The following VIT variants were observed in gnomAD, a reference collection of about 807,000 sequenced individuals.
The protein encoded by VIT is vitrin.
A neutral mutation model predicts 78.0 loss-of-function variants in VIT; 99 were observed. That is an observed-to-expected ratio of 1.27 (90% CI 1.08 to 1.50). The LOEUF (loss-of-function observed/expected upper bound fraction) is 1.50, where lower values mean the gene tolerates loss of function less well. VIT is among the 40% of genes most tolerant of loss of function. VIT has a pLI of 0.00. For missense variants in VIT, 1,126 were observed against 875.3 expected (o/e 1.29, Z -3.61); for synonymous variants, 374 against 334.3 (o/e 1.12, Z -1.29).
chr2:36,781,386 C>A (rs1363224251), intron 9 of VIT, among the ~76,000 whole-genome samples: 1 of 152,186 alleles, frequency 6.6e-6, no homozygotes, highest in Admixed American at 6.5e-5. Context: ...CACTAGCCAG[C>A]CACTCACAGG....
Position 36,808,420 on chromosome 2 carries a change from A to G in VIT, c.1390-52A>G, listed in dbSNP as rs750249442. On this transcript the variant is annotated intron_variant, in intron 14 of 15. Coordinates refer to ENST00000379242, the MANE Select transcript of VIT (RefSeq NM_053276.4). ...CCGGGGGATCAAGCCTAATGGTGAC[A>G]CTGGAGGATTTGACCCTGACGTGGC... The G allele has an allele frequency of 2.2e-4, 342 of 1,552,522 alleles. 1 individual carries two copies. Among genetic ancestry groups the G allele is most frequent in the Non-Finnish European group, 2.9e-4 (333 of 1,145,834 alleles).
At position 36,787,232 on chromosome 2, in the gene VIT, T is replaced by C. The variant is rs754044100; in HGVS notation, c.1014T>C (p.Leu338=). The change falls in exon 12 of 16, where the codon CTT becomes CTC. Residue 338 remains leucine (L), a synonymous_variant. Coordinates refer to ENST00000379242, the MANE Select transcript of VIT (RefSeq NM_053276.4). ...KQLLADVAQA[L]DIGPAGPLMG... The stretch of plus-strand genomic sequence containing the variant: ...TCCTGGCTGATGTTGCCCAAGCTCT[T>C]GACATTGGCCCTGCCGGTCCACTGA... 4.3e-6 allele frequency: 7 copies of C among 1,614,160 alleles called. No individual in the cohort carries two copies. The highest frequency in any genetic ancestry group is 5.9e-6 in the Non-Finnish European group (7 of 1,180,000).
intron 14 of VIT, 42 bp from the exon 15 acceptor site, chr2:36,808,430 T>A: frequency 1.9e-6 from 3 of 1,561,072 alleles, no homozygotes; most frequent in Non-Finnish European, 2.6e-6. Flanking sequence ...ACTGGAGGAT[T>A]TGACCCTGAC....
At chr2:36,760,979 G>A (rs934064217) in intron 6 of VIT, among the ~76,000 whole-genome samples, 2 of 152,036 alleles carry the variant, frequency 1.3e-5, no homozygotes, top group African/African-American at 4.8e-5. Context: ...GAGATCCCTA[G>A]GGCAGAAACA....
At chr2:36,726,620 C>T (rs1666862909) in intron 2 of VIT, among the ~76,000 whole-genome samples, 1 of 152,052 alleles carries the variant, frequency 6.6e-6, no homozygotes, top group Non-Finnish European at 1.5e-5. Flanking sequence ...GAGTTCGAGA[C>T]TAGCCTGGCC....
chr2:36,751,550 G>C (rs1476127234), intron 4 of VIT, among the ~76,000 whole-genome samples: 1 of 152,228 alleles, frequency 6.6e-6, no homozygotes, highest in Non-Finnish European at 1.5e-5. Context: ...GCAAGGTGTA[G>C]ACTTTACAGT....
At chr2:36,770,762 T>C (rs186411350) in intron 7 of VIT, among the ~76,000 whole-genome samples, 12 of 152,072 alleles carry the variant, frequency 7.9e-5, no homozygotes, top group South Asian at 6.2e-4. Context: ...GCTAAGGAGG[T>C]GGAGTGGCTG....
intron 1 of VIT, among the ~76,000 whole-genome samples, chr2:36,712,443 C>T (rs915360835): frequency 3.3e-5 from 5 of 152,210 alleles, no homozygotes; most frequent in Non-Finnish European, 2.9e-5. Flanking sequence ...TCTCTGCTCT[C>T]CGCCTTCCCT....
At chr2:36,755,381 C>T (rs1480124696) in intron 5 of VIT, among the ~76,000 whole-genome samples, 1 of 152,066 alleles carries the variant, frequency 6.6e-6, no homozygotes, top group Non-Finnish European at 1.5e-5. Context: ...CCAAATGTGC[C>T]TCATGTCTAG....
At chr2:36,725,892 T>C (rs1666813082) in intron 2 of VIT, among the ~76,000 whole-genome samples, 2 of 151,960 alleles carry the variant, frequency 1.3e-5, no homozygotes, top group East Asian at 1.9e-4. Flanking sequence ...GCCAACATGG[T>C]GAAACCCCGT....
chr2:36,780,654 C>A (rs1048053788), intron 9 of VIT, among the ~76,000 whole-genome samples: 1 of 152,158 alleles, frequency 6.6e-6, no homozygotes, highest in Non-Finnish European at 1.5e-5. Flanking sequence ...TAACAGATTG[C>A]CTTTCAAAAC....
At chr2:36,803,230 A>G (rs1237534398) in intron 13 of VIT, among the ~76,000 whole-genome samples, 3 of 152,200 alleles carry the variant, frequency 2.0e-5, no homozygotes, top group Non-Finnish European at 2.9e-5. Flanking sequence ...GATACTAAAG[A>G]TATTTGTCAG....
chr2:36,811,642 A>G (rs1667177270), intron 15 of VIT, among the ~76,000 whole-genome samples: 1 of 151,772 alleles, frequency 6.6e-6, no homozygotes, highest in Non-Finnish European at 1.5e-5. Flanking sequence ...CTGGAAAACT[A>G]AATTTATTTT....
intron 4 of VIT, among the ~76,000 whole-genome samples, chr2:36,744,783 G>A (rs1668036488): frequency 6.6e-6 from 1 of 152,056 alleles, no homozygotes; most frequent in Non-Finnish European, 1.5e-5. Context: ...TTACTCCACT[G>A]ATAGGTTCTT....
At chr2:36,747,606 A>G (rs1263625920) in intron 4 of VIT, among the ~76,000 whole-genome samples, 1 of 152,142 alleles carries the variant, frequency 6.6e-6, no homozygotes, top group African/African-American at 2.4e-5. Context: ...TGACCTCTGT[A>G]GATCTTTCTT....
chr2:36,812,861 C>CTTTT lies in VIT; in HGVS notation c.1904-1308_1904-1305dup, dbSNP rs5830441. On this transcript the variant is annotated intron_variant, in intron 15 of 15. Coordinates refer to ENST00000379242, the MANE Select transcript of VIT (RefSeq NM_053276.4). Reference sequence around the variant, plus strand: ...TGTCTTGGTTTTGTTTTTTCTTCTTCTTTTTTTTTTTTTTTTTGAGATGGA... The same window carrying CTTTT: ...TGTCTTGGTTTTGTTTTTTCTTCTTCTTTTTTTTTTTTTTTTTTTTTGAGATGGA... 3.1e-4 allele frequency among the ~76,000 whole-genome samples: 34 copies of CTTTT among 110,260 alleles called. No individual in the cohort carries two copies. The South Asian group carries it at 5.4e-3, about 17-fold the overall frequency. The allele number at this position is 110,260 out of a possible 152,430, so 72.3% of individuals were successfully genotyped here. A position where few individuals can be genotyped will look rare whatever the true frequency, so the allele number is the denominator to read the frequency against.
In VIT at chr2:36,767,297, G is replaced by C. The variant is rs541755242; in HGVS notation, c.679+12G>C. On this transcript the variant is annotated intron_variant, in intron 7 of 15. Coordinates refer to ENST00000379242, the MANE Select transcript of VIT (RefSeq NM_053276.4). ...GAGCCAGGAGATGGGTCAGTAGGTA[G>C]ACCATGTGTTGCTTTGTGCTAGGGA... 6.6e-7 allele frequency: 1 copy of C among 1,514,576 alleles called. No individual in the cohort carries two copies. The allele number at this position is 1,514,576 out of a possible 1,614,324, so 93.8% of individuals were successfully genotyped here. A position where few individuals can be genotyped will look rare whatever the true frequency, so the allele number is the denominator to read the frequency against.
chr2:36,784,496 A>G (rs541274686), intron 11 of VIT, among the ~76,000 whole-genome samples: 1 of 152,230 alleles, frequency 6.6e-6, no homozygotes, highest in South Asian at 2.1e-4. Flanking sequence ...AGCACTTTAC[A>G]GAGTGAATCC....
intron 3 of VIT, among the ~76,000 whole-genome samples, chr2:36,740,712 A>G (rs550703340): frequency 1.3e-4 from 20 of 151,396 alleles, no homozygotes; most frequent in South Asian, 4.2e-4. Context: ...TTGTAAGGGG[A>G]AAAAAAAAGA....
Sources: gnomAD v4.1 joint callset for allele counts (sites outside exome capture counted in the v4.1 genomes callset) on GRCh38, gnomAD v4.1.1 for gene constraint, MANE v1.5 for transcripts, NCBI Gene and HGNC (gene_info 2026-07-23, HGNC 2026-07-21) for gene names.